Variants in PAIP1 observed in about 807,000 individuals in gnomAD.
PAIP1 encodes polyadenylate-binding protein-interacting protein 1.
In PAIP1, 16 loss-of-function variants were observed where a neutral mutation model predicts 61.3. The ratio of observed to expected loss-of-function variants is 0.26; its 90% confidence interval spans 0.18 to 0.40. PAIP1 has a LOEUF of 0.40. PAIP1 is among the 10% of genes least tolerant of loss of function. PAIP1 has a pLI of 1.00. For missense variants in PAIP1, 416 were observed against 600.9 expected (o/e 0.69, Z 3.22); for synonymous variants, 187 against 226.2 (o/e 0.83, Z 1.56).
chr5:43,556,322 T>TTTA, intron 1 of PAIP1: 1 of 1,235,230 alleles, frequency 8.1e-7, no homozygotes, highest in South Asian at 4.0e-5. Flanking sequence ...GGGAGGCGAT[T>TTTA]TTTACTTCCT....
At chr5:43,545,551 C>G (rs1434667471) in intron 3 of PAIP1, among the ~76,000 whole-genome samples, 1 of 152,196 alleles carries the variant, frequency 6.6e-6, no homozygotes, top group Non-Finnish European at 1.5e-5. Context: ...AGGTTTTGCA[C>G]TGTAAGTCAT....
chr5:43,547,728 C>T lies in PAIP1; in HGVS notation c.621G>A (p.Gln207=), dbSNP rs1245780793. ...CACTGCATGCTATAAGCCAACATAC[C>T]TGTTGATAGATGAGTTCCACAAGTT... ...LQELVELIYQ[Q]ATSIPNFSYM... is the part of the protein sequence containing the mutation. The change falls in exon 3 of 11, where the codon CAG becomes CAA. Residue 207 remains glutamine, a splice_region_variant and synonymous_variant. Transcript: ENST00000306846. The T allele has an allele frequency of 1.3e-6, 2 of 1,598,802 alleles. No individual in the cohort carries two copies. The highest frequency in any genetic ancestry group is 1.1e-5 in the South Asian group (1 of 89,846).
intron 9 of PAIP1, among the ~76,000 whole-genome samples, chr5:43,530,917 T>C (rs547977078): frequency 3.7e-4 from 57 of 152,160 alleles, no homozygotes; most frequent in Non-Finnish European, 6.0e-4. Context: ...TTGGGCCCCA[T>C]GTGAAACAGG....
At chr5:43,529,931 A>G (rs1241757877) in intron 9 of PAIP1, 52 bp from the exon 10 acceptor site, 1 of 852,884 alleles carries the variant, frequency 1.2e-6, no homozygotes, top group Non-Finnish European at 2.0e-6. Context: ...ATCACATGAA[A>G]TGACCAATCA....
At chr5:43,546,396 T>A (rs527762362) in intron 3 of PAIP1, among the ~76,000 whole-genome samples, 1 of 152,282 alleles carries the variant, frequency 6.6e-6, no homozygotes, top group Non-Finnish European at 1.5e-5. Context: ...TCCTTTTCAA[T>A]CCATTTATCA....
At chr5:43,533,618 T>C (rs1301716244) in intron 9 of PAIP1, 120 bp downstream of exon 9, 8 of 742,524 alleles carry the variant, frequency 1.1e-5, no homozygotes, top group Non-Finnish European at 1.5e-5. Context: ...ACACTGGTAT[T>C]TTAGAATGAT....
intron 4 of PAIP1, among the ~76,000 whole-genome samples, chr5:43,541,073 T>C (rs558033643): frequency 6.6e-6 from 1 of 150,796 alleles, no homozygotes; most frequent in South Asian, 2.1e-4. Flanking sequence ...ACTTTGACAT[T>C]TGTATTTTTC....
At chr5:43,528,960 G>A (rs554574552) in intron 10 of PAIP1, among the ~76,000 whole-genome samples, 98 of 152,176 alleles carry the variant, frequency 6.4e-4, no homozygotes, top group Admixed American at 2.0e-3. Flanking sequence ...GGCAGGTGAA[G>A]AAACAGATAT....
intron 2 of PAIP1, among the ~76,000 whole-genome samples, chr5:43,549,924 A>G (rs1290023232): frequency 6.6e-6 from 1 of 152,032 alleles, no homozygotes; most frequent in Non-Finnish European, 1.5e-5. Context: ...GGGTTTCACC[A>G]TGTTGATCAG....
Position 43,549,772 on chromosome 5 carries a change from T to C in PAIP1, c.436-1859A>G, listed in dbSNP as rs551591297. ...TCTCGCTCTGTCACCCAGGCTGGAGTACAGTGGCAAGATCTTGGCTCACTG... is the reference window on the plus strand; with the variant it reads ...TCTCGCTCTGTCACCCAGGCTGGAGCACAGTGGCAAGATCTTGGCTCACTG... On this transcript the variant is annotated intron_variant, in intron 2 of 10. Coordinates refer to ENST00000306846, the MANE Select transcript of PAIP1 (RefSeq NM_006451.5). 5.1e-4 allele frequency among the ~76,000 whole-genome samples: 78 copies of C among 152,230 alleles called. 1 individual carries two copies. Among genetic ancestry groups the C allele is most frequent in the African/African-American group, 1.8e-3 (76 of 41,530 alleles).
chr5:43,550,715 G>A (rs1432099630), intron 2 of PAIP1, among the ~76,000 whole-genome samples: 3 of 150,520 alleles, frequency 2.0e-5, no homozygotes, highest in Admixed American at 6.7e-5. Flanking sequence ...GCCAAAGACT[G>A]TCTTAGGGGA....
chr5:43,541,394 C>T (rs1579916996), intron 4 of PAIP1, among the ~76,000 whole-genome samples: 1 of 145,320 alleles, frequency 6.9e-6, no homozygotes, highest in East Asian at 2.1e-4. Flanking sequence ...ACTCGTGAGC[C>T]GCCCACCTCA....
chr5:43,543,310 C>CAAAAAAAA (rs11427976), intron 3 of PAIP1, among the ~76,000 whole-genome samples, 194 bp from the exon 4 acceptor site: 14 of 95,998 alleles, frequency 1.5e-4, no homozygotes, highest in East Asian at 4.6e-4. Flanking sequence ...ACAATAAGTA[C>CAAAAAAAA]AAAAAAAAAA....
chr5:43,550,296 T>C (rs1375295062), intron 2 of PAIP1, among the ~76,000 whole-genome samples: 1 of 152,146 alleles, frequency 6.6e-6, no homozygotes, highest in East Asian at 1.9e-4. Context: ...GAGGATTAAG[T>C]GAATTAATCA....
intron 9 of PAIP1, among the ~76,000 whole-genome samples, chr5:43,532,202 AAAAC>A (rs1438245244): frequency 1.3e-5 from 2 of 152,214 alleles, no homozygotes; most frequent in Non-Finnish European, 2.9e-5. Context: ...GAAAAAATAA[AAAAC>A]AAATAATCAA....
intron 1 of PAIP1, chr5:43,556,379 G>C: frequency 8.1e-7 from 1 of 1,234,062 alleles, no homozygotes; most frequent in Non-Finnish European, 1.0e-6. Context: ...CCTCCCCCCA[G>C]CCAGGCGCAC....
intron 7 of PAIP1, 151 bp from the exon 8 acceptor site, chr5:43,535,121 AT>A (rs1342868804): frequency 1.3e-5 from 8 of 603,242 alleles, no homozygotes; most frequent in Non-Finnish European, 2.3e-5. Flanking sequence ...ACATAAATTC[AT>A]TTAAAAAAAA....
intron 2 of PAIP1, among the ~76,000 whole-genome samples, chr5:43,550,837 C>CA (rs373730839): frequency 0.041 from 2,050 of 49,572 alleles, 119 homozygotes; most frequent in African/African-American, 0.11. Context: ...AAATATACTA[C>CA]AAAAAAAAAA....
At chr5:43,545,942 TA>T (rs1747619087) in intron 3 of PAIP1, among the ~76,000 whole-genome samples, 2 of 151,966 alleles carry the variant, frequency 1.3e-5, no homozygotes, top group Non-Finnish European at 2.9e-5. Context: ...GCTAATTTTG[TA>T]TTTTTTTTTA....
Sources: gnomAD v4.1 joint callset for allele counts (sites outside exome capture counted in the v4.1 genomes callset) on GRCh38, gnomAD v4.1.1 for gene constraint, MANE v1.5 for transcripts, NCBI Gene and HGNC (gene_info 2026-07-23, HGNC 2026-07-21) for gene names.